Variants in CELF2 observed in about 807,000 individuals in gnomAD.
CELF2 encodes the protein CUGBP Elav-like family member 2.
In CELF2, 8 loss-of-function variants were observed where a neutral mutation model predicts 62.6. The observed-to-expected ratio is 0.13, with a 90% CI of 0.07 to 0.23. The LOEUF (loss-of-function observed/expected upper bound fraction) is 0.23. Among genes scored for constraint, CELF2 ranks in the 10% least tolerant of loss-of-function variants. CELF2 has a pLI of 1.00. For missense variants in CELF2, 333 were observed against 671.0 expected, an observed-to-expected ratio of 0.50 and a Z score of 5.56; for synonymous variants, 258 against 250.0, an observed-to-expected ratio of 1.03 and a Z score of -0.30.
intron 3 of CELF2, among the ~76,000 whole-genome samples, chr10:11,234,943 A>G (rs1329210760): frequency 6.6e-6 from 1 of 152,156 alleles, no homozygotes; most frequent in Non-Finnish European, 1.5e-5. Flanking sequence ...GTACTTTCAT[A>G]TATATTTTCT....
intron 1 of CELF2, among the ~76,000 whole-genome samples, chr10:10,910,179 C>A (rs2063688906): frequency 6.6e-6 from 1 of 152,112 alleles, no homozygotes; most frequent in South Asian, 2.1e-4. Flanking sequence ...TTTAAACGAA[C>A]TTATATAAAA....
chr10:10,487,830 T>G, the CELF2 span, among the ~76,000 whole-genome samples: 1 of 152,122 alleles, frequency 6.6e-6, no homozygotes, highest in Non-Finnish European at 1.5e-5. Context: ...TTAAATTGTA[T>G]AAAAATATAT....
chr10:10,986,957 G>A (rs774688915), intron 2 of CELF2, among the ~76,000 whole-genome samples: 10 of 152,224 alleles, frequency 6.6e-5, no homozygotes, highest in Non-Finnish European at 1.5e-4. Flanking sequence ...TGATGAAAAT[G>A]TGCAGTCTGC....
chr10:10,700,156 G>A, the CELF2 span, among the ~76,000 whole-genome samples: 4 of 152,144 alleles, frequency 2.6e-5, no homozygotes, highest in East Asian at 1.9e-4. Context: ...ATTGCATCTC[G>A]ATATGGATAA....
chr10:10,753,335 A>T, the CELF2 span, among the ~76,000 whole-genome samples: 2 of 136,194 alleles, frequency 1.5e-5, no homozygotes, highest in African/African-American at 5.6e-5. Context: ...GTGTGTTAAG[A>T]TCAAGAGTGC....
At chr10:10,540,281 G>T in the CELF2 span, among the ~76,000 whole-genome samples, 1 of 152,194 alleles carries the variant, frequency 6.6e-6, no homozygotes, top group Non-Finnish European at 1.5e-5. Flanking sequence ...CCAAGGAACA[G>T]GTTCGACTGA....
intron 2 of CELF2, among the ~76,000 whole-genome samples, chr10:10,999,705 C>G (rs1045203876): frequency 3.9e-5 from 6 of 152,238 alleles, no homozygotes; most frequent in Non-Finnish European, 7.3e-5. Flanking sequence ...GTCACGTGAT[C>G]ATATGAATTG....
chr10:10,733,613 G>GC, the CELF2 span, among the ~76,000 whole-genome samples: 5 of 51,714 alleles, frequency 9.7e-5, no homozygotes, highest in East Asian at 4.5e-3. Context: ...AGCATGGCTT[G>GC]GGGGGGCCTC....
the CELF2 span, among the ~76,000 whole-genome samples, chr10:10,599,725 C>A: frequency 7.4e-6 from 1 of 134,558 alleles, no homozygotes; most frequent in Admixed American, 7.7e-5. Flanking sequence ...TTCTTTCTTT[C>A]TTTTTTTTTT....
chr10:10,954,924 A>G (rs1259418833), intron 2 of CELF2, among the ~76,000 whole-genome samples: 3 of 152,260 alleles, frequency 2.0e-5, no homozygotes, highest in African/African-American at 7.2e-5. Flanking sequence ...TCATGCATTT[A>G]TCGTTTTAAA....
the CELF2 span, among the ~76,000 whole-genome samples, chr10:10,632,894 G>A: frequency 6.6e-6 from 1 of 152,258 alleles, no homozygotes; most frequent in East Asian, 1.9e-4. Context: ...ATTTGCATAA[G>A]ATGCCAACTG....
the CELF2 span, among the ~76,000 whole-genome samples, chr10:10,466,872 T>C: frequency 2.6e-5 from 4 of 152,088 alleles, no homozygotes; most frequent in East Asian, 7.7e-4. Flanking sequence ...TTTGTCCAAT[T>C]TTTATTGGGC....
chr10:10,499,219 A>T, the CELF2 span, among the ~76,000 whole-genome samples: 1 of 151,750 alleles, frequency 6.6e-6, no homozygotes, highest in Non-Finnish European at 1.5e-5. Context: ...GACATGTGCC[A>T]CCTGCCTGGT....
intron 1 of CELF2, among the ~76,000 whole-genome samples, chr10:11,086,864 G>A (rs2046960436): frequency 6.6e-6 from 1 of 152,128 alleles, no homozygotes; most frequent in Non-Finnish European, 1.5e-5. Context: ...GTGTTTTCTT[G>A]CTTTCTTAAA....
At chr10:11,295,111 G>T (rs1260584788) in intron 9 of CELF2, among the ~76,000 whole-genome samples, 3 of 151,986 alleles carry the variant, frequency 2.0e-5, no homozygotes, top group African/African-American at 7.3e-5. Context: ...GACATTATGG[G>T]GCTCACTTTA....
chr10:10,893,489 A>G (rs1428522302), intron 1 of CELF2, among the ~76,000 whole-genome samples: 2 of 152,148 alleles, frequency 1.3e-5, no homozygotes, highest in Non-Finnish European at 2.9e-5. Flanking sequence ...ACCTAAAACT[A>G]TGGCTTCGTC....
rs569089652 is a variant in CELF2 at position 11,328,362 on chromosome 10, C to T, written c.1439-564C>T. Among the ~76,000 whole-genome samples the T allele has an allele frequency of 1.3e-5, 2 of 152,322 alleles. No homozygotes were observed. Among genetic ancestry groups the T allele is most frequent in the Admixed American group, 6.5e-5 (1 of 15,312 alleles). ...TCTAGAGTTTATTCGCTAATTGACC[C>T]ATCCTCCAGCTAAACAGGTGTAGGC... On this transcript the variant is annotated intron_variant, in intron 12 of 12. Coordinates refer to ENST00000633077, the MANE Select transcript of CELF2 (RefSeq NM_001326342.2). The surrounding 1 kb of genome is among the most constrained non-coding windows in gnomAD (Gnocchi z 6.4).
chr10:10,869,503 A>C (rs1480926398), intron 1 of CELF2, among the ~76,000 whole-genome samples: 1 of 152,110 alleles, frequency 6.6e-6, no homozygotes, highest in Non-Finnish European at 1.5e-5. Flanking sequence ...CAGAGGTTGC[A>C]GTGAACCAAG....
At chr10:10,533,347 T>C in the CELF2 span, among the ~76,000 whole-genome samples, 1 of 152,186 alleles carries the variant, frequency 6.6e-6, no homozygotes, top group Admixed American at 6.5e-5. Context: ...AGCATATACA[T>C]TTTAGAAGAA....
Sources: allele counts gnomAD v4.1 joint callset (sites outside exome capture counted in the v4.1 genomes callset), GRCh38; gene constraint gnomAD v4.1.1; non-coding constraint Gnocchi (gnomAD v3.1); transcripts MANE v1.5; gene names NCBI Gene and HGNC (gene_info 2026-07-23, HGNC 2026-07-21).